The following TNFAIP8 variants were observed in gnomAD, a reference collection of about 807,000 sequenced individuals.
The protein encoded by TNFAIP8 is TNF alpha induced protein 8, also known as tumor necrosis factor alpha-induced protein 8.
In TNFAIP8, 7 loss-of-function variants were observed where a neutral mutation model predicts 13.3. That is an observed-to-expected ratio of 0.52 (90% CI 0.30 to 0.99). TNFAIP8 has a LOEUF of 0.99. Among genes scored for constraint, TNFAIP8 ranks in the 50% least tolerant of loss-of-function variants. TNFAIP8 has a pLI of 0.07. For synonymous variants in TNFAIP8, 94 were observed against 87.6 expected (o/e 1.07, Z -0.41); for missense variants, 258 against 236.9 (o/e 1.09, Z -0.58).
chr5:119,271,184 A>G (rs1504976), intron 1 of TNFAIP8, among the ~76,000 whole-genome samples: 127,570 of 152,188 alleles, frequency 0.84, 55,069 homozygotes, highest in Non-Finnish European at 0.94. Context: ...TGCAATTCTC[A>G]TTCTGTTGAA....
chr5:119,362,225 G>C (rs1200346759), intron 1 of TNFAIP8, among the ~76,000 whole-genome samples: 3 of 152,184 alleles, frequency 2.0e-5, no homozygotes, highest in Non-Finnish European at 4.4e-5. Context: ...GAAAAAGAAA[G>C]AGTGAGTGAC....
In TNFAIP8 at chr5:119,268,852, G is replaced by A. The variant is rs887785381; in HGVS notation, c.-55G>A. 7.0e-5 allele frequency: 49 copies of A among 701,968 alleles called. 1 individual carries two copies. Among genetic ancestry groups the A allele is most frequent in the South Asian group, 5.5e-4 (37 of 67,410 alleles). The allele number at this position is 701,968 out of a possible 1,614,324, so 43.5% of individuals were successfully genotyped here. On this transcript the variant is annotated 5_prime_UTR_variant, in exon 1 of 2. Coordinates refer to the TNFAIP8 transcript ENST00000274456. Reference sequence around the variant, plus strand: ...CCGAGAGAGCAGAGAACTCGGCGCCGCCAAACAGCCCAGCTCGCGCTTCAG... The same window carrying A: ...CCGAGAGAGCAGAGAACTCGGCGCCACCAAACAGCCCAGCTCGCGCTTCAG...
chr5:119,349,028 G>A (rs1381111044), intron 1 of TNFAIP8, among the ~76,000 whole-genome samples: 2 of 151,906 alleles, frequency 1.3e-5, no homozygotes, highest in Admixed American at 6.6e-5. Context: ...ATGTGATGTC[G>A]TGCTGTCCTG....
In TNFAIP8 at chr5:119,297,564, GA is replaced by G. The variant is rs1156573536; in HGVS notation, c.1+28664del. ...TTTGGAATAGGTGTGGTGTGGTGCT[GA>G]AAAAAATGTATATTCTGTTGATTCA... is the stretch of plus-strand genomic sequence containing the variant. On this transcript the variant is annotated intron_variant, in intron 1 of 1. Coordinates refer to the TNFAIP8 transcript ENST00000274456. Among the ~76,000 whole-genome samples the G allele has an allele frequency of 6.7e-4, 102 of 152,258 alleles. 1 individual carries two copies. Among genetic ancestry groups the G allele is most frequent in the Non-Finnish European group, 4.1e-4 (28 of 68,002 alleles).
intron 1 of TNFAIP8, among the ~76,000 whole-genome samples, chr5:119,299,844 C>T (rs1749304317): frequency 6.6e-6 from 1 of 152,254 alleles, no homozygotes; most frequent in African/African-American, 2.4e-5. Context: ...TCGCTGCTGC[C>T]TTGCAGTTTG....
intron 1 of TNFAIP8, among the ~76,000 whole-genome samples, chr5:119,322,839 G>A (rs535315880): frequency 1.3e-5 from 2 of 152,242 alleles, no homozygotes; most frequent in Admixed American, 6.5e-5. Context: ...TACATTCCAG[G>A]CCCAAGCTCT....
intron 1 of TNFAIP8, among the ~76,000 whole-genome samples, chr5:119,274,355 T>G (rs968197294): frequency 3.9e-5 from 6 of 152,366 alleles, no homozygotes; most frequent in Admixed American, 6.5e-5. Context: ...TTCTTCACTC[T>G]TTAAAGGGTT....
chr5:119,371,904 G>A (rs748120964), intron 1 of TNFAIP8, among the ~76,000 whole-genome samples: 1 of 152,012 alleles, frequency 6.6e-6, no homozygotes, highest in Non-Finnish European at 1.5e-5. Context: ...TTGGGAGGCC[G>A]AAGCGGGCAG....
At chr5:119,329,251 C>CT (rs1233474798) in intron 1 of TNFAIP8, among the ~76,000 whole-genome samples, 2 of 152,316 alleles carry the variant, frequency 1.3e-5, no homozygotes, top group African/African-American at 2.4e-5. Context: ...AGATAGTCTT[C>CT]TTTTTTTGCT....
chr5:119,375,308 G>T (rs1461211062), intron 1 of TNFAIP8, among the ~76,000 whole-genome samples: 2 of 152,150 alleles, frequency 1.3e-5, no homozygotes, highest in East Asian at 1.9e-4. Context: ...TCCTAAAATA[G>T]GACCCATGAT....
chr5:119,353,002 G>T (rs1751229254), upstream of TNFAIP8, among the ~76,000 whole-genome samples: 1 of 152,194 alleles, frequency 6.6e-6, no homozygotes, highest in Non-Finnish European at 1.5e-5. Context: ...TGACACAAAA[G>T]GTGGGAGTTC....
chr5:119,298,644 A>G (rs1418042515), intron 1 of TNFAIP8, among the ~76,000 whole-genome samples: 2 of 152,042 alleles, frequency 1.3e-5, no homozygotes, highest in East Asian at 3.9e-4. Flanking sequence ...CTGAATCTGA[A>G]TGTTGGCCTG....
intron 1 of TNFAIP8, among the ~76,000 whole-genome samples, chr5:119,275,174 T>A (rs1360602630): frequency 6.6e-6 from 1 of 152,144 alleles, no homozygotes; most frequent in Non-Finnish European, 1.5e-5. Flanking sequence ...TTTTTATAGG[T>A]CTTCACTGGG....
chr5:119,379,423 ATTTGGAAAAGCTT>A (rs1007101660), intron 1 of TNFAIP8, among the ~76,000 whole-genome samples: 6 of 152,168 alleles, frequency 3.9e-5, no homozygotes, highest in African/African-American at 1.4e-4. Context: ...TGGCCATTGG[ATTTGGAAAAGCTT>A]TTTGGAAGGG....
intron 1 of TNFAIP8, among the ~76,000 whole-genome samples, chr5:119,276,209 C>T (rs890559433): frequency 6.6e-6 from 1 of 151,878 alleles, no homozygotes; most frequent in African/African-American, 2.4e-5. Flanking sequence ...CCTCTAACTC[C>T]CGGGTTCAAG....
intron 1 of TNFAIP8, among the ~76,000 whole-genome samples, chr5:119,388,896 AT>A (rs1296278721): frequency 6.6e-6 from 1 of 150,936 alleles, no homozygotes; most frequent in African/African-American, 2.4e-5. Context: ...CTCCCACCTT[AT>A]CCTCCTAAAG....
At chr5:119,390,287 G>T (rs931878956) in intron 1 of TNFAIP8, among the ~76,000 whole-genome samples, 1 of 151,972 alleles carries the variant, frequency 6.6e-6, no homozygotes, top group Admixed American at 6.6e-5. Context: ...AAATGGTTGG[G>T]TATCCCTATA....
intron 1 of TNFAIP8, among the ~76,000 whole-genome samples, chr5:119,362,071 GA>G (rs1357602721): frequency 2.6e-5 from 4 of 152,216 alleles, no homozygotes; most frequent in Admixed American, 6.5e-5. Context: ...GATGGAGAGG[GA>G]TGAGTACAGC....
chr5:119,310,459 C>A (rs188644223), intron 1 of TNFAIP8, among the ~76,000 whole-genome samples: 30 of 152,304 alleles, frequency 2.0e-4, no homozygotes, highest in Admixed American at 1.3e-4. Flanking sequence ...ACGGTAGGGA[C>A]AAGGAAGAAG....
Sources: allele counts gnomAD v4.1 joint callset (sites outside exome capture counted in the v4.1 genomes callset), GRCh38; gene constraint gnomAD v4.1.1; transcripts MANE v1.5; gene names NCBI Gene and HGNC (gene_info 2026-07-23, HGNC 2026-07-21).